Variants in MOK observed in about 807,000 individuals in gnomAD.
The protein encoded by MOK is MOK protein kinase, also known as MAPK/MAK/MRK overlapping kinase.
Under a neutral mutation model 54.2 loss-of-function variants are expected in MOK, and 59 were observed. The observed-to-expected ratio is 1.09, with a 90% CI of 0.88 to 1.35. MOK has a LOEUF of 1.35. MOK is among the 40% of genes most tolerant of loss of function. MOK has a pLI of 0.00. For missense variants in MOK, 517 were observed against 526.2 expected (o/e 0.98, Z 0.17); for synonymous variants, 210 against 202.7 (o/e 1.04, Z -0.31).
intron 6 of MOK, among the ~76,000 whole-genome samples, chr14:102,251,268 C>A (rs948370131): frequency 6.6e-6 from 1 of 152,234 alleles, no homozygotes; most frequent in African/African-American, 2.4e-5. Context: ...GGCGCTTCTA[C>A]AAATGAACAA....
At chr14:102,247,210 A>T (rs1370441715) in intron 7 of MOK, among the ~76,000 whole-genome samples, 8 of 151,998 alleles carry the variant, frequency 5.3e-5, no homozygotes, top group African/African-American at 1.9e-4. Flanking sequence ...TAAAGCAAAC[A>T]CCCTTTACAA....
rs78040250 is a variant in MOK, at chr14:102,236,076, G to C, written c.591-2287C>G. ...TTGAGTGCCAAAGAGTCCTTGTCCA[G>C]TGTGCCAGCAGACAGGCCACTGGAA... On this transcript the variant is annotated intron_variant, in intron 7 of 11. Transcript: ENST00000361847. This position sits in a 1 kb window ranked among gnomAD's most constrained non-coding sequence, Gnocchi z 4.5. 4.5e-4 allele frequency among the ~76,000 whole-genome samples: 69 copies of C among 152,318 alleles called. No homozygotes were observed. The East Asian group carries it at 0.011, about 25-fold the overall frequency.
At chr14:102,218,944 C>T in the MOK span, among the ~76,000 whole-genome samples, 8 of 152,192 alleles carry the variant, frequency 5.3e-5, no homozygotes, top group African/African-American at 1.7e-4. Context: ...TCGGCCGGGC[C>T]GGGCCTTGCC....
chr14:102,255,479 C>G (rs1432062146), intron 4 of MOK, among the ~76,000 whole-genome samples: 1 of 152,152 alleles, frequency 6.6e-6, no homozygotes, highest in Non-Finnish European at 1.5e-5. Flanking sequence ...CCTTGCCTCC[C>G]TGGGTCTCCT....
chr14:102,232,711 G>A lies in MOK; in HGVS notation c.693-3C>T. The stretch of plus-strand genomic sequence containing the variant: ...AATCAAAATTCATAGCTCTCGACCT[G>A]TATTAAAAACCCAATGATAATAAAT... On this transcript the variant is annotated splice_polypyrimidine_tract_variant and splice_region_variant and intron_variant, in intron 8 of 11. Transcript: ENST00000361847. The surrounding 1 kb of genome is among the most constrained non-coding windows in gnomAD (Gnocchi z 5.1). 6.2e-7 allele frequency: 1 copy of A among 1,610,534 alleles called. No homozygotes were observed. Among genetic ancestry groups the A allele is most frequent in the Non-Finnish European group, 8.5e-7 (1 of 1,177,664 alleles).
chr14:102,217,411 A>C, the MOK span, among the ~76,000 whole-genome samples: 702 of 152,218 alleles, frequency 4.6e-3, 6 homozygotes, highest in African/African-American at 0.016. Context: ...GAAGAGTACA[A>C]TCCTTTTCTC....
chr14:102,273,230 A>G lies in MOK; in HGVS notation c.123-7318T>C, dbSNP rs903659592. ...AAAACTGTCTCTATTTGCAGGTGAC[A>G]TATTTCTTTAAGTAAAAAATCCTAA... On this transcript the variant is annotated intron_variant, in intron 2 of 11. Coordinates refer to ENST00000361847, the MANE Select transcript of MOK (RefSeq NM_014226.3). Among the ~76,000 whole-genome samples, 4 of 151,724 alleles carry G rather than the reference A, an allele frequency of 2.6e-5. No homozygotes were observed. The Admixed American group carries it at 2.6e-4, about 10-fold the overall frequency.
chr14:102,215,246 G>T, the MOK span, among the ~76,000 whole-genome samples: 17 of 152,198 alleles, frequency 1.1e-4, no homozygotes, highest in Non-Finnish European at 2.2e-4. Context: ...GCCAACTCCA[G>T]TCCGGGAGAA....
rs375335212 is a variant in MOK at position 102,232,552 on chromosome 14, G to A, written c.849C>T (p.Pro283=). ...RIAAHQALQH[P]YFQEQRKTEK... is the part of the protein sequence containing the mutation. ...GTGCCTACCTCTGTTCTTGGAAGTA[G>A]GGGTGCTGCAGGGCCTGGTGGGCGG... The change falls in exon 9 of 12, where the codon CCC becomes CCT. Residue 283 remains proline, a synonymous_variant. Transcript: ENST00000361847. The surrounding 1 kb of genome is among the most constrained non-coding windows in gnomAD (Gnocchi z 5.1). 8 of 1,613,610 alleles carry A rather than the reference G, an allele frequency of 5.0e-6. No individual in the cohort carries two copies. The African/African-American group carries it at 1.1e-4, about 22-fold the overall frequency.
At chr14:102,297,227 G>A (rs1223013297) in intron 1 of MOK, among the ~76,000 whole-genome samples, 1 of 149,538 alleles carries the variant, frequency 6.7e-6, no homozygotes, top group Non-Finnish European at 1.5e-5. Flanking sequence ...GTGTGGTGGC[G>A]GGCGCCTGTA....
chr14:102,253,898 AAT>A (rs1268667500), intron 4 of MOK, among the ~76,000 whole-genome samples: 1 of 152,226 alleles, frequency 6.6e-6, no homozygotes, highest in Non-Finnish European at 1.5e-5. Flanking sequence ...TCTTTTGAAA[AAT>A]TAAAATTATT....
Position 102,245,584 on chromosome 14 carries a change from C to T in MOK, c.590+5228G>A, listed in dbSNP as rs935609542. Among the ~76,000 whole-genome samples the T allele has an allele frequency of 4.6e-5, 7 of 152,068 alleles. No homozygotes were observed. The highest frequency in any genetic ancestry group is 1.3e-4 in the Admixed American group (2 of 15,270). ...ACCCCCTCCGCCTGCCCCTGCCCAC[C>T]GGAGAACAACCCCCTTTGACTGTAA... On this transcript the variant is annotated intron_variant, in intron 7 of 11. Transcript: ENST00000361847. The surrounding 1 kb of genome is among the most constrained non-coding windows in gnomAD (Gnocchi z 4.3).
At chr14:102,234,217 GCTCA>G (rs2065008366) in intron 7 of MOK, 1 of 173,848 alleles carries the variant, frequency 5.8e-6, no homozygotes, top group African/African-American at 2.4e-5. Context: ...GCCAGGACTC[GCTCA>G]CTATCAATCT....
At position 102,294,371 on chromosome 14, in the gene MOK, G is replaced by A. The variant is rs923752735; in HGVS notation, c.7+10591C>T. The stretch of plus-strand genomic sequence containing the variant: ...TGAGGCAGGAAAATGGCATGAACCC[G>A]GGAGGCGGAGCTGGCAGTGAGCCGA... On this transcript the variant is annotated intron_variant, in intron 1 of 11. Transcript: ENST00000361847. Among the ~76,000 whole-genome samples the A allele has an allele frequency of 1.1e-4, 16 of 151,782 alleles. No individual in the cohort carries two copies. In the South Asian group the frequency reaches 2.1e-3, roughly 20 times the overall value.
chr14:102,299,851 G>C (rs2071958850), intron 1 of MOK, among the ~76,000 whole-genome samples: 1 of 152,110 alleles, frequency 6.6e-6, no homozygotes, highest in Non-Finnish European at 1.5e-5. Flanking sequence ...TCGAAGTGCT[G>C]GGTTTACAGA....
intron 2 of MOK, among the ~76,000 whole-genome samples, chr14:102,272,200 A>G (rs544659203): frequency 6.6e-6 from 1 of 152,312 alleles, no homozygotes; most frequent in South Asian, 2.1e-4. Context: ...ATAATAAGAA[A>G]AGTATAGGCC....
intron 2 of MOK, among the ~76,000 whole-genome samples, chr14:102,275,459 G>A (rs1297663703): frequency 2.6e-5 from 4 of 151,652 alleles, no homozygotes. Context: ...AGCTACTCGG[G>A]AGGCTGAGGC....
chr14:102,219,234 T>C, the MOK span, among the ~76,000 whole-genome samples: 6 of 152,220 alleles, frequency 3.9e-5, no homozygotes, highest in African/African-American at 1.4e-4. Flanking sequence ...TTCATTTGAT[T>C]CTCTTTTGAA....
At chr14:102,289,600 G>A (rs977676178) in intron 1 of MOK, among the ~76,000 whole-genome samples, 19 of 151,766 alleles carry the variant, frequency 1.3e-4, no homozygotes, top group African/African-American at 4.1e-4. Flanking sequence ...AGAGATTCTC[G>A]TGCCTCAGCC....
Sources: gnomAD v4.1 joint callset for allele counts (sites outside exome capture counted in the v4.1 genomes callset) on GRCh38, gnomAD v4.1.1 for gene constraint, Gnocchi (gnomAD v3.1) non-coding constraint, MANE v1.5 for transcripts, NCBI Gene and HGNC (gene_info 2026-07-23, HGNC 2026-07-21) for gene names.